Variants in MSRB3 observed in about 807,000 individuals in gnomAD.
The protein encoded by MSRB3 is methionine sulfoxide reductase B3, also known as methionine-R-sulfoxide reductase B3.
MSRB3 carries 13 observed loss-of-function variants against 21.0 expected under a neutral mutation model. That is an observed-to-expected ratio of 0.62 (90% CI 0.40 to 0.98). The LOEUF is 0.98. MSRB3 is among the 50% of genes least tolerant of loss of function. MSRB3 has a pLI of 0.00. For synonymous variants in MSRB3, 87 were observed against 88.6 expected (o/e 0.98, Z 0.10); for missense variants, 199 against 230.3 (o/e 0.86, Z 0.88).
chr12:65,418,800 G>T, intron 5 of MSRB3: 1 of 950,920 alleles, frequency 1.1e-6, no homozygotes, highest in South Asian at 1.3e-5. Context: ...TGGTCTTTTG[G>T]ATGGTTTGCA....
chr12:65,459,761 C>A (rs1346920682), intron 6 of MSRB3, among the ~76,000 whole-genome samples: 1 of 152,192 alleles, frequency 6.6e-6, no homozygotes, highest in African/African-American at 2.4e-5. Flanking sequence ...GTGGGAAATA[C>A]ATCAGTGCAG....
intron 5 of MSRB3, among the ~76,000 whole-genome samples, chr12:65,411,789 CTA>C (rs779620269): frequency 1.3e-5 from 2 of 148,632 alleles, no homozygotes; most frequent in Non-Finnish European, 3.0e-5. Flanking sequence ...TGTAATATGA[CTA>C]TAAATTTATA....
chr12:65,416,497 A>G (rs1461445462), intron 5 of MSRB3, among the ~76,000 whole-genome samples: 1 of 152,212 alleles, frequency 6.6e-6, no homozygotes, highest in Non-Finnish European at 1.5e-5. Context: ...GAGAGCATAT[A>G]CAAACCTAGA....
At chr12:65,303,881 G>C (rs139200453) in intron 1 of MSRB3, among the ~76,000 whole-genome samples, 251 of 152,254 alleles carry the variant, frequency 1.6e-3, no homozygotes, top group African/African-American at 5.2e-3. Context: ...AGACATGGAG[G>C]TGAAAATAGG....
chr12:65,433,621 G>GGTCTTTC (rs1280172575), intron 5 of MSRB3, among the ~76,000 whole-genome samples: 2 of 151,788 alleles, frequency 1.3e-5, no homozygotes, highest in Non-Finnish European at 2.9e-5. Context: ...TCACTGTGAT[G>GGTCTTTC]GTCTTTCTCC....
chr12:65,369,109 T>A, intron 5 of MSRB3, 83 bp downstream of exon 5: 1 of 1,072,858 alleles, frequency 9.3e-7, no homozygotes, highest in Non-Finnish European at 1.4e-6. Flanking sequence ...TCAAGAACCA[T>A]TTTGATTTTA....
chr12:65,302,380 A>T lies in MSRB3; in HGVS notation c.-51-6149A>T, dbSNP rs554671344. On this transcript the variant is annotated intron_variant, in intron 1 of 6. Transcript: ENST00000308259. ...GCTGGAAGCAATTCTCTTTCCTGTG[A>T]AATTCTGTAATTCTTAATTTCTACC... 2.0e-5 allele frequency among the ~76,000 whole-genome samples: 3 copies of T among 152,266 alleles called. No homozygotes were observed. The East Asian group carries it at 5.8e-4, about 29-fold the overall frequency.
intron 4 of MSRB3, among the ~76,000 whole-genome samples, chr12:65,366,187 CA>C (rs1228039339): frequency 2.6e-5 from 4 of 152,170 alleles, no homozygotes; most frequent in Non-Finnish European, 4.4e-5. Flanking sequence ...AGTATTGAGA[CA>C]GGGGGCCCCT....
At chr12:65,417,713 AT>A (rs1428389516) in intron 5 of MSRB3, among the ~76,000 whole-genome samples, 2 of 152,190 alleles carry the variant, frequency 1.3e-5, no homozygotes, top group African/African-American at 4.8e-5. Flanking sequence ...TAGATTCCAT[AT>A]ATAAGTTAGA....
intron 4 of MSRB3, among the ~76,000 whole-genome samples, chr12:65,359,247 T>A (rs1445417867): frequency 6.6e-6 from 1 of 152,012 alleles, no homozygotes; most frequent in Non-Finnish European, 1.5e-5. Context: ...CACATTTATG[T>A]CCTCAGAGGC....
intron 5 of MSRB3, among the ~76,000 whole-genome samples, chr12:65,406,416 A>G (rs550913444): frequency 1.3e-5 from 2 of 152,376 alleles, no homozygotes; most frequent in South Asian, 4.1e-4. Context: ...ACTGAAAACT[A>G]TAAAACGTTC....
At chr12:65,420,103 T>C in intron 5 of MSRB3, 1 of 434,194 alleles carries the variant, frequency 2.3e-6, no homozygotes, top group South Asian at 1.9e-5. Flanking sequence ...GAGATGAGGC[T>C]CTAATTTTAT....
chr12:65,358,122 T>G (rs951615631), intron 4 of MSRB3, among the ~76,000 whole-genome samples: 1 of 151,880 alleles, frequency 6.6e-6, no homozygotes, highest in Non-Finnish European at 1.5e-5. Context: ...ATTATCATTA[T>G]TTTTCATTTT....
chr12:65,299,623 T>G (rs1873189899), intron 1 of MSRB3, among the ~76,000 whole-genome samples: 1 of 152,190 alleles, frequency 6.6e-6, no homozygotes, highest in African/African-American at 2.4e-5. Context: ...GTATGTTCAG[T>G]TAAAATTTCA....
intron 1 of MSRB3, among the ~76,000 whole-genome samples, chr12:65,301,688 C>T (rs1015821515): frequency 6.6e-5 from 10 of 152,124 alleles, no homozygotes; most frequent in Admixed American, 2.0e-4. Context: ...ATGAGAATTT[C>T]GTTGATATGG....
At chr12:65,350,460 A>C (rs905059557) in intron 4 of MSRB3, among the ~76,000 whole-genome samples, 1 of 151,474 alleles carries the variant, frequency 6.6e-6, no homozygotes, top group African/African-American at 2.4e-5. Flanking sequence ...CACACGTAAC[A>C]ATATTAACTT....
chr12:65,390,025 G>A (rs868847198), intron 5 of MSRB3, among the ~76,000 whole-genome samples: 6 of 152,192 alleles, frequency 3.9e-5, no homozygotes, highest in African/African-American at 1.4e-4. Flanking sequence ...TATGAAGCTT[G>A]AGCTTTTCTT....
intron 4 of MSRB3, among the ~76,000 whole-genome samples, chr12:65,355,019 A>G (rs1877297787): frequency 6.6e-6 from 1 of 151,804 alleles, no homozygotes; most frequent in South Asian, 2.1e-4. Flanking sequence ...AATTTTTTGG[A>G]TAAACTGAAA....
At chr12:65,288,307 CAAA>C (rs921177297) in intron 1 of MSRB3, among the ~76,000 whole-genome samples, 10 of 63,716 alleles carry the variant, frequency 1.6e-4, no homozygotes, top group East Asian at 4.7e-4. Flanking sequence ...GTCCCCCCCG[CAAA>C]AAAAAAAAAA....
Sources: allele counts gnomAD v4.1 joint callset (sites outside exome capture counted in the v4.1 genomes callset), GRCh38; gene constraint gnomAD v4.1.1; transcripts MANE v1.5; gene names NCBI Gene and HGNC (gene_info 2026-07-23, HGNC 2026-07-21).